HACL1: variants seen among roughly 807,000 people sequenced by gnomAD.
The protein encoded by HACL1 is 1600020H07Rik.
HACL1 carries 64 observed loss-of-function variants against 74.2 expected under a neutral mutation model. The observed-to-expected ratio is 0.86, with a 90% CI of 0.70 to 1.06. The LOEUF is 1.06. HACL1 is among the 50% of genes least tolerant of loss of function. HACL1 has a pLI of 0.00. For missense variants in HACL1, 728 were observed against 719.7 expected (o/e 1.01, Z -0.13); for synonymous variants, 230 against 238.8 (o/e 0.96, Z 0.34).
intron 2 of HACL1, among the ~76,000 whole-genome samples, chr3:15,598,077 T>C (rs1003836497): frequency 6.6e-6 from 1 of 151,278 alleles, no homozygotes; most frequent in Admixed American, 6.6e-5. Flanking sequence ...CAGGCTGGAG[T>C]GCAATGATGC....
At chr3:15,592,417 C>CACACACGTATGCATGTAG (rs1390626618) in intron 3 of HACL1, among the ~76,000 whole-genome samples, 1 of 148,682 alleles carries the variant, frequency 6.7e-6, no homozygotes, top group Non-Finnish European at 1.5e-5. Context: ...CACACGTATA[C>CACACACGTATGCATGTAG]ACACACGTAT....
At chr3:15,573,295 TAAG>T in intron 10 of HACL1, 53 bp from the exon 11 acceptor site, 1 of 1,011,582 alleles carries the variant, frequency 9.9e-7, no homozygotes, top group Non-Finnish European at 1.6e-6. Context: ...GAAAAATATG[TAAG>T]AAGGCAATTA....
chr3:15,573,180 G>T lies in HACL1; in HGVS notation c.972C>A (p.Asn324Lys). ...NVKPAVTLLG[N>K]IHAVTKQLLE... ...TCACCTGCTTAGTGACAGCATGTAT[G>T]TTTCCTAGCAAAGTAACAGCGGGCT... The change falls in exon 11 of 17, where the codon AAC (asparagine) becomes AAA (lysine). Residue 324 changes from asparagine (N) to lysine (K), a missense_variant. By Grantham distance (94) the Asn-to-Lys change is moderately conservative. Transcript: ENST00000321169. The T allele has an allele frequency of 6.2e-7, 1 of 1,606,340 alleles. No individual in the cohort carries two copies. Among genetic ancestry groups the T allele is most frequent in the Non-Finnish European group, 8.5e-7 (1 of 1,173,050 alleles).
rs1255439576 is a variant in HACL1 at position 15,593,101 on chromosome 3, ATGTG to A, written c.228-1425_228-1422del. On this transcript the variant is annotated intron_variant, in intron 3 of 16. Coordinates refer to ENST00000321169, the MANE Select transcript of HACL1 (RefSeq NM_012260.4). The stretch of plus-strand genomic sequence containing the variant: ...TATATATACACACACATATACATAT[ATGTG>A]TGTGTATATATACACACACATACGT... Among the ~76,000 whole-genome samples the A allele has an allele frequency of 6.9e-5, 10 of 145,952 alleles. 2 individuals are homozygous for A. Among genetic ancestry groups the A allele is most frequent in the South Asian group, 4.2e-4 (2 of 4,732 alleles).
intron 10 of HACL1, 152 bp downstream of exon 10, chr3:15,574,825 T>C: frequency 2.1e-6 from 1 of 470,328 alleles, no homozygotes; most frequent in East Asian, 3.1e-5. Context: ...TTGGTACCTA[T>C]AATTATGTTA....
At chr3:15,588,647 G>A (rs1320486642) in intron 5 of HACL1, among the ~76,000 whole-genome samples, 2 of 152,054 alleles carry the variant, frequency 1.3e-5, no homozygotes, top group African/African-American at 4.8e-5. Flanking sequence ...TGAATATGTT[G>A]TACAGACATA....
chr3:15,576,690 GGTTTT>G (rs575401249), intron 9 of HACL1, among the ~76,000 whole-genome samples: 11 of 152,038 alleles, frequency 7.2e-5, no homozygotes, highest in African/African-American at 1.2e-4. Context: ...AATTGCTGTG[GGTTTT>G]GTTTTGTTTT....
chr3:15,592,385 C>CACACGTGTATACATGTAG (rs1339271010), intron 3 of HACL1, among the ~76,000 whole-genome samples: 1 of 150,322 alleles, frequency 6.7e-6, no homozygotes, highest in East Asian at 2.0e-4. Context: ...CACACGTATA[C>CACACGTGTATACATGTAG]ACACACGTGT....
chr3:15,601,187 T>C lies in HACL1; in HGVS notation c.89A>G (p.Glu30Gly), dbSNP rs912355963. The change falls in exon 2 of 17, where the codon GAG (glutamate) becomes GGG (glycine). Residue 30 changes from glutamate to glycine, a missense_variant. By Grantham distance (98) the Glu-to-Gly change is moderately conservative. Transcript: ENST00000321169. The part of the protein sequence containing the change: ...IAQALKTQDV[E>G]YIFGIVGIPV... ...GATGCCTACGATGCCAAATATGTAC[T>C]CCACATCCTGAGGAACGAAGAACAG... 14 of 1,611,354 alleles carry C rather than the reference T, an allele frequency of 8.7e-6. No individual in the cohort carries two copies. Among genetic ancestry groups the C allele is most frequent in the Admixed American group, 5.0e-5 (3 of 60,016 alleles).
intron 5 of HACL1, among the ~76,000 whole-genome samples, chr3:15,588,905 G>T (rs2063842554): frequency 6.6e-6 from 1 of 151,932 alleles, no homozygotes; most frequent in African/African-American, 2.4e-5. Flanking sequence ...TTTCCCTAAA[G>T]TCTGGGAGGC....
At chr3:15,585,657 T>C (rs1279720782) in intron 6 of HACL1, among the ~76,000 whole-genome samples, 1 of 152,244 alleles carries the variant, frequency 6.6e-6, no homozygotes, top group Non-Finnish European at 1.5e-5. Flanking sequence ...TACTTTCATC[T>C]GCTTCCTAAT....
chr3:15,596,509 AAG>A, intron 2 of HACL1, 85 bp from the exon 3 acceptor site: 1 of 790,740 alleles, frequency 1.3e-6, no homozygotes, highest in Non-Finnish European at 2.3e-6. Context: ...AATAATAGAC[AAG>A]AACATAGTGG....
At chr3:15,592,528 ACATGTATACACATGTACGCACATGTGTG>A (rs1364081147) in intron 3 of HACL1, among the ~76,000 whole-genome samples, 56 of 145,032 alleles carry the variant, frequency 3.9e-4, no homozygotes, top group African/African-American at 9.5e-4. Context: ...ATACATATAC[ACATGTATACACATGTACGCACATGTGTG>A]CGTGTATACA....
At position 15,601,131 on chromosome 3, in the gene HACL1, G is replaced by A; in HGVS notation, c.145C>T (p.Gln49Ter). The change falls in exon 2 of 17, where the codon CAG (glutamine) becomes TAG (stop). Residue 49 changes from glutamine (Q) to a stop codon, truncating the protein, a stop_gained. Coordinates refer to ENST00000321169, the MANE Select transcript of HACL1 (RefSeq NM_012260.4). LOFTEE classifies it high-confidence loss of function. ...PVTEIAIAAQ[Q>*]LGIKYIGMRN... Reference sequence around the variant, plus strand: ...ATCCCGATGTACTTGATGCCTAGCTGCTGGGCAGCAATGGCGATTTCGGTC... The same window carrying A: ...ATCCCGATGTACTTGATGCCTAGCTACTGGGCAGCAATGGCGATTTCGGTC... 1 of 1,613,820 alleles carries A rather than the reference G, an allele frequency of 6.2e-7. No individual in the cohort carries two copies. Among genetic ancestry groups the A allele is most frequent in the South Asian group, 1.1e-5 (1 of 91,082 alleles).
chr3:15,571,147 CTT>C (rs78847086), intron 12 of HACL1, among the ~76,000 whole-genome samples: 1 of 144,992 alleles, frequency 6.9e-6, no homozygotes. Flanking sequence ...TCTGGCTTTT[CTT>C]TTTTTTTTTG....
intron 2 of HACL1, among the ~76,000 whole-genome samples, chr3:15,600,287 GAGGCA>G (rs1363246408): frequency 6.6e-6 from 1 of 152,242 alleles, no homozygotes; most frequent in Non-Finnish European, 1.5e-5. Flanking sequence ...TGGGCAAGAG[GAGGCA>G]AGAATTTAAA....
chr3:15,572,603 T>G (rs1336583949), intron 11 of HACL1, among the ~76,000 whole-genome samples: 1 of 152,238 alleles, frequency 6.6e-6, no homozygotes, highest in African/African-American at 2.4e-5. Flanking sequence ...TATCCTATAT[T>G]GTGTAATCAT....
At chr3:15,579,257 T>A (rs1394495783) in intron 9 of HACL1, among the ~76,000 whole-genome samples, 1 of 152,092 alleles carries the variant, frequency 6.6e-6, no homozygotes, top group Admixed American at 6.5e-5. Context: ...TGATCAACTC[T>A]CAAAAGAAAA....
chr3:15,583,566 G>A (rs532387897), intron 7 of HACL1, among the ~76,000 whole-genome samples: 11 of 152,140 alleles, frequency 7.2e-5, no homozygotes, highest in Admixed American at 3.3e-4. Flanking sequence ...CAGATGGCAC[G>A]TGGCAGAGAC....
Sources: allele counts gnomAD v4.1 joint callset (sites outside exome capture counted in the v4.1 genomes callset), GRCh38; gene constraint gnomAD v4.1.1; transcripts MANE v1.5; gene names NCBI Gene and HGNC (gene_info 2026-07-23, HGNC 2026-07-21).